The following NCAPH variants were observed in gnomAD, a reference collection of about 807,000 sequenced individuals.
NCAPH encodes condensin complex subunit 2.
Under a neutral mutation model 85.5 loss-of-function variants are expected in NCAPH, and 38 were observed. The observed-to-expected ratio is 0.44, with a 90% CI of 0.34 to 0.58. The LOEUF (loss-of-function observed/expected upper bound fraction) is 0.58, where lower values mean the gene tolerates loss of function less well. Among genes scored for constraint, NCAPH ranks in the 20% least tolerant of loss-of-function variants. The pLI is 0.01. For synonymous variants in NCAPH, 301 were observed against 335.1 expected (o/e 0.90, Z 1.11); for missense variants, 789 against 916.6 (o/e 0.86, Z 1.80).
chr2:96,337,297 G>T (rs1573057868), intron 1 of NCAPH, among the ~76,000 whole-genome samples: 2 of 152,212 alleles, frequency 1.3e-5, no homozygotes, highest in East Asian at 3.8e-4. Context: ...CAAAGGTCCA[G>T]GTTCCTTCCT....
intron 12 of NCAPH, among the ~76,000 whole-genome samples, chr2:96,364,010 A>G (rs1226192565): frequency 6.6e-6 from 1 of 152,000 alleles, no homozygotes; most frequent in Non-Finnish European, 1.5e-5. Flanking sequence ...GTGTTGCCCA[A>G]CGCTAGTCTC....
chr2:96,336,626 C>A (rs1179648322), intron 1 of NCAPH, among the ~76,000 whole-genome samples: 1 of 152,190 alleles, frequency 6.6e-6, no homozygotes, highest in East Asian at 1.9e-4. Flanking sequence ...ACATTTTGGA[C>A]ATGGTATGTG....
rs1037480505 is a variant in NCAPH at position 96,376,373 on chromosome 2, C to A, written c.*3022C>A. Among the ~76,000 whole-genome samples, 10 of 152,136 alleles carry A rather than the reference C, an allele frequency of 6.6e-5. No individual in the cohort carries two copies. The highest frequency in any genetic ancestry group is 4.1e-4 in the South Asian group (2 of 4,826). ...GTGGGGCCCTGAGAGAGAATACATC[C>A]AAAGGAAGAGGGAACCAGGCATTAC... On this transcript the variant is annotated 3_prime_UTR_variant, in exon 18 of 18. Coordinates refer to ENST00000240423, the MANE Select transcript of NCAPH (RefSeq NM_015341.5).
rs1291346487 is a variant in NCAPH at position 96,373,614 on chromosome 2, T to C, written c.*263T>C. 3 of 348,402 alleles carry C rather than the reference T, an allele frequency of 8.6e-6. No homozygotes were observed. Among genetic ancestry groups the C allele is most frequent in the African/African-American group, 6.3e-5 (3 of 47,938 alleles). The allele number at this position is 348,402 out of a possible 1,614,324, so 21.6% of individuals were successfully genotyped here. ...GAGGGCAGAGGGGGTGAGGGTACTA[T>C]TCTGGATTGAGAAAACCTATATCCA... On this transcript the variant is annotated 3_prime_UTR_variant, in exon 18 of 18. Transcript: ENST00000240423.
At position 96,359,109 on chromosome 2, in the gene NCAPH, C is replaced by G; in HGVS notation, c.1273C>G (p.Pro425Ala). Residue 425 changes from proline (P) to alanine (A), a missense_variant, in exon 10 of 18, where the codon CCT (proline) becomes GCT (alanine). Coordinates refer to ENST00000240423, the MANE Select transcript of NCAPH (RefSeq NM_015341.5). ...RTMCPLLSMKPGEYSYFSPRT... is the reference protein window; with the variant it reads ...RTMCPLLSMKAGEYSYFSPRT... ...CATGTGCCCCCTTCTGTCTATGAAA[C>G]CTGGAGAATATTCTTATTTCAGTCC... is the stretch of plus-strand genomic sequence containing the variant. 1 of 1,614,172 alleles carries G rather than the reference C, an allele frequency of 6.2e-7. No homozygotes were observed. The highest frequency in any genetic ancestry group is 8.5e-7 in the Non-Finnish European group (1 of 1,180,034).
chr2:96,356,003 G>A (rs1252738677), intron 9 of NCAPH, among the ~76,000 whole-genome samples: 2 of 152,220 alleles, frequency 1.3e-5, no homozygotes, highest in Admixed American at 1.3e-4. Flanking sequence ...ATTTTCAAAT[G>A]TCAGAGAAAA....
intron 17 of NCAPH, among the ~76,000 whole-genome samples, chr2:96,370,259 C>T (rs1230389629): frequency 6.6e-6 from 1 of 152,356 alleles, no homozygotes; most frequent in East Asian, 1.9e-4. Flanking sequence ...GCGTGTGCGG[C>T]AAGCACCACC....
rs1452654074 is a variant in NCAPH at position 96,377,020 on chromosome 2, T to A, written c.*3669T>A. ...CATGCCTGTATCAAAATATCTCATG[T>A]ACCCCATAAATATATGCACCTACTA... On this transcript the variant is annotated 3_prime_UTR_variant, in exon 18 of 18. Transcript: ENST00000240423. Among the ~76,000 whole-genome samples, 2 of 152,130 alleles carry A rather than the reference T, an allele frequency of 1.3e-5. No individual in the cohort carries two copies. Among genetic ancestry groups the A allele is most frequent in the Non-Finnish European group, 2.9e-5 (2 of 68,012 alleles).
intron 1 of NCAPH, among the ~76,000 whole-genome samples, chr2:96,338,875 A>G (rs1439855892): frequency 6.6e-6 from 1 of 152,118 alleles, no homozygotes; most frequent in African/African-American, 2.4e-5. Context: ...CAGTGGCGCG[A>G]TCTCGACTCA....
chr2:96,342,290 C>A, intron 3 of NCAPH, 150 bp downstream of exon 3: 1 of 770,322 alleles, frequency 1.3e-6, no homozygotes, highest in Non-Finnish European at 2.1e-6. Context: ...TTACTCTGGA[C>A]CCGTGGTGCA....
Position 96,335,841 on chromosome 2 carries a change from C to G in NCAPH, c.12C>G (p.Pro4=), listed in dbSNP as rs1460634844. 1.3e-6 allele frequency: 2 copies of G among 1,494,702 alleles called. No homozygotes were observed. The highest frequency in any genetic ancestry group is 2.9e-5 in the African/African-American group (2 of 68,076). The allele number at this position is 1,494,702 out of a possible 1,614,324, so 92.6% of individuals were successfully genotyped here. A position where few individuals can be genotyped will look rare whatever the true frequency, so the allele number is the denominator to read the frequency against. ...GACGCCAAGGAAAGATGGGACCTCCCGGCCCAGGTGAGCCGGGCGGTCGGG... is the reference window on the plus strand; with the variant it reads ...GACGCCAAGGAAAGATGGGACCTCCGGGCCCAGGTGAGCCGGGCGGTCGGG... MGP[P]GPALPATMNN... The change falls in exon 1 of 18, where the codon CCC becomes CCG. Residue 4 remains proline (P), a synonymous_variant. Transcript: ENST00000240423.
rs997943357 is a variant in NCAPH, at chr2:96,374,426, A to G, written c.*1075A>G. On this transcript the variant is annotated 3_prime_UTR_variant, in exon 18 of 18. Transcript: ENST00000240423. ...TTAACTTTGCTTGCAATTTGGAACA[A>G]TATTATAGATGTTGATCCAAGTAGT... Among the ~76,000 whole-genome samples, 4 of 152,158 alleles carry G rather than the reference A, an allele frequency of 2.6e-5. No homozygotes were observed. Among genetic ancestry groups the G allele is most frequent in the Non-Finnish European group, 4.4e-5 (3 of 68,032 alleles).
chr2:96,353,295 A>G lies in NCAPH; in HGVS notation c.911-11A>G, dbSNP rs1173999565. On this transcript the variant is annotated splice_polypyrimidine_tract_variant and intron_variant, in intron 7 of 17. Coordinates refer to ENST00000240423, the MANE Select transcript of NCAPH (RefSeq NM_015341.5). ...TCTAATCTCTCTTTGTGATCTTGCT[A>G]TCCTCTCCAGCGCCCTTGCAGCAGT... The G allele has an allele frequency of 2.5e-6, 4 of 1,612,920 alleles. No homozygotes were observed. Among genetic ancestry groups the G allele is most frequent in the East Asian group, 4.5e-5 (2 of 44,884 alleles).
At chr2:96,365,531 TG>T (rs2064685049) in intron 13 of NCAPH, among the ~76,000 whole-genome samples, 1 of 152,184 alleles carries the variant, frequency 6.6e-6, no homozygotes. Flanking sequence ...GTGCTTTCCT[TG>T]GGTGATATGT....
rs73958202 is a variant in NCAPH at position 96,356,327 on chromosome 2, G to C, written c.1208+1939G>C. Among the ~76,000 whole-genome samples, 108 of 152,172 alleles carry C rather than the reference G, an allele frequency of 7.1e-4. 1 individual carries two copies. Among genetic ancestry groups the C allele is most frequent in the African/African-American group, 2.5e-3 (103 of 41,526 alleles). ...AGTAGATCTGATCTTGCCGTTACTA[G>C]CCCTGAGATGTGGGGCAATGTTATC... On this transcript the variant is annotated intron_variant, in intron 9 of 17. Coordinates refer to ENST00000240423, the MANE Select transcript of NCAPH (RefSeq NM_015341.5).
rs1013990513 is a variant in NCAPH at position 96,344,135 on chromosome 2, A to G, written c.626A>G (p.Lys209Arg). The G allele has an allele frequency of 6.2e-7, 1 of 1,613,478 alleles. No individual in the cohort carries two copies. Among genetic ancestry groups the G allele is most frequent in the African/African-American group, 1.3e-5 (1 of 75,018 alleles). ...DGSATEMGTT[K>R]KAVKPKKKHL... ...AGTGCTACTGAAATGGGAACAACCA[A>G]AAAGGCTGTAAAGCCAAAGAAGAAG... Residue 209 changes from lysine to arginine, a missense_variant, in exon 6 of 18, where the codon AAA (lysine) becomes AGA (arginine). Lys to Arg is a conservative substitution (Grantham distance 26). Coordinates refer to ENST00000240423, the MANE Select transcript of NCAPH (RefSeq NM_015341.5).
In NCAPH at chr2:96,360,644, C is replaced by G; in HGVS notation, c.1521C>G (p.Thr507=). ...AGAACCAGAATTGGAGAGCTACCAC[C>G]CTTCCTACAGATTTCAACTACAATG... ...TLENQNWRAT[T]LPTDFNYNVD... is the part of the protein sequence containing the mutation. The change falls in exon 12 of 18, where the codon ACC becomes ACG. Residue 507 remains threonine, a synonymous_variant. Coordinates refer to ENST00000240423, the MANE Select transcript of NCAPH (RefSeq NM_015341.5). The G allele has an allele frequency of 6.2e-7, 1 of 1,614,080 alleles. No individual in the cohort carries two copies.
At chr2:96,338,142 G>T (rs2064240235) in intron 1 of NCAPH, among the ~76,000 whole-genome samples, 1 of 147,844 alleles carries the variant, frequency 6.8e-6, no homozygotes, top group African/African-American at 2.5e-5. Context: ...GGCCAGGCTG[G>T]TCTCGAACTC....
Position 96,351,751 on chromosome 2 carries a change from G to A in NCAPH, c.721-80G>A, listed in dbSNP as rs997133413. ...GTCCAGTGTATATACCTGCTAATGA[G>A]TGGGGCCAAATGCATGAGAATTTAT... On this transcript the variant is annotated intron_variant, in intron 6 of 17. Coordinates refer to ENST00000240423, the MANE Select transcript of NCAPH (RefSeq NM_015341.5). 3.1e-6 allele frequency: 4 copies of A among 1,270,816 alleles called. No homozygotes were observed. The African/African-American group carries it at 4.5e-5, about 14-fold the overall frequency. The allele number at this position is 1,270,816 out of a possible 1,614,324, so 78.7% of individuals were successfully genotyped here.
Sources: allele counts gnomAD v4.1 joint callset (sites outside exome capture counted in the v4.1 genomes callset), GRCh38; gene constraint gnomAD v4.1.1; transcripts MANE v1.5; gene names NCBI Gene and HGNC (gene_info 2026-07-23, HGNC 2026-07-21).